ELOC: variants seen among roughly 807,000 people sequenced by gnomAD.
ELOC encodes the protein elongin-C.
For missense variants in ELOC, 38 were observed against 139.0 expected (o/e 0.27, Z 3.65); for synonymous variants, 40 against 51.3 (o/e 0.78, Z 0.94).
intron 2 of ELOC, among the ~76,000 whole-genome samples, chr8:73,959,228 C>T (rs998001698): frequency 1.3e-5 from 2 of 152,064 alleles, no homozygotes; most frequent in South Asian, 4.1e-4. Flanking sequence ...ACTTAGGCTA[C>T]AGTAAATTTA....
chr8:73,953,624 C>A (rs1813928297), intron 3 of ELOC, among the ~76,000 whole-genome samples: 1 of 151,476 alleles, frequency 6.6e-6, no homozygotes, highest in Non-Finnish European at 1.5e-5. Flanking sequence ...TGCACCATTG[C>A]ACTGCAGCCT....
intron 2 of ELOC, among the ~76,000 whole-genome samples, chr8:73,957,414 G>A (rs1814268030): frequency 6.6e-6 from 1 of 151,982 alleles, no homozygotes; most frequent in Non-Finnish European, 1.5e-5. Context: ...TTACAATTTT[G>A]TACTGTAACA....
intron 3 of ELOC, among the ~76,000 whole-genome samples, chr8:73,952,347 C>G (rs1272871705): frequency 6.6e-6 from 1 of 151,492 alleles, no homozygotes; most frequent in Non-Finnish European, 1.5e-5. Flanking sequence ...GTGGAGGGTG[C>G]AGTGAGCCGA....
chr8:73,951,497 A>T (rs1200010616), intron 3 of ELOC, among the ~76,000 whole-genome samples: 1 of 151,924 alleles, frequency 6.6e-6, no homozygotes, highest in Non-Finnish European at 1.5e-5. Context: ...TACAGAAAAT[A>T]CAATTTAAAA....
rs767740133 is a variant in ELOC, at chr8:73,946,827, A to C, written c.149-7T>G. 4 of 1,605,386 alleles carry C rather than the reference A, an allele frequency of 2.5e-6. No homozygotes were observed. Among genetic ancestry groups the C allele is most frequent in the Non-Finnish European group, 2.6e-6 (3 of 1,174,436 alleles). On this transcript the variant is annotated splice_polypyrimidine_tract_variant and splice_region_variant and intron_variant, in intron 3 of 3. Coordinates refer to ENST00000520242, the MANE Select transcript of ELOC (RefSeq NM_005648.4). ...TCGTTCTCAGCAAACTGACCTGTAA[A>C]ACAAAAGAATTATGTATGTTATTGG...
intron 3 of ELOC, among the ~76,000 whole-genome samples, chr8:73,947,636 T>C (rs981213890): frequency 2.0e-5 from 3 of 151,832 alleles, no homozygotes; most frequent in Non-Finnish European, 4.4e-5. Context: ...TGCAGTGGCA[T>C]GGTTGTGGCT....
intron 1 of ELOC, among the ~76,000 whole-genome samples, chr8:73,965,864 A>C (rs997692985): frequency 1.3e-5 from 2 of 152,348 alleles, no homozygotes; most frequent in African/African-American, 4.8e-5. Flanking sequence ...AGGAGGAATA[A>C]GAGTTGGTCG....
chr8:73,970,493 G>T (rs1353571722), intron 1 of ELOC: 2 of 152,048 alleles, frequency 1.3e-5, no homozygotes, highest in South Asian at 2.1e-4. Flanking sequence ...TCATATTTAA[G>T]AAAAAGAGGA....
chr8:73,964,269 A>G (rs982858791), intron 1 of ELOC, among the ~76,000 whole-genome samples: 3 of 150,652 alleles, frequency 2.0e-5, no homozygotes. Flanking sequence ...AAAAAAGATA[A>G]GCACAGATTT....
At chr8:73,962,151 C>T (rs1814650407) in intron 1 of ELOC, among the ~76,000 whole-genome samples, 1 of 152,226 alleles carries the variant, frequency 6.6e-6, no homozygotes, top group African/African-American at 2.4e-5. Flanking sequence ...CCAACTCAGC[C>T]TCCCAAAGTG....
chr8:73,957,782 GTTTAT>G (rs1359957874), intron 2 of ELOC, among the ~76,000 whole-genome samples: 1 of 150,794 alleles, frequency 6.6e-6, no homozygotes, highest in Non-Finnish European at 1.5e-5. Context: ...CCAACTATTT[GTTTAT>G]TTATTTTTAT....
intron 1 of ELOC, among the ~76,000 whole-genome samples, chr8:73,960,102 TGAA>T (rs1364676314): frequency 1.8e-4 from 27 of 152,320 alleles, no homozygotes; most frequent in Admixed American, 1.1e-3. Context: ...GTGGGGTTGT[TGAA>T]GAGGTTGTAA....
chr8:73,961,174 G>A (rs1586611387), intron 1 of ELOC, among the ~76,000 whole-genome samples: 1 of 152,168 alleles, frequency 6.6e-6, no homozygotes, highest in Non-Finnish European at 1.5e-5. Context: ...CTGTATTTTA[G>A]TAACATACTA....
chr8:73,949,066 CAT>C lies in ELOC; in HGVS notation c.149-2248_149-2247del, dbSNP rs372204436. On this transcript the variant is annotated intron_variant, in intron 3 of 3. Transcript: ENST00000520242. ...AAGGTTGTATCATTTAGCCTTTACA[CAT>C]AGAGATAAAATATTTTCTTAGCAGT... 6.2e-4 allele frequency among the ~76,000 whole-genome samples: 94 copies of C among 152,312 alleles called. 2 individuals carry two copies. The South Asian group carries it at 7.5e-3, about 12-fold the overall frequency.
In ELOC at chr8:73,945,683, G is replaced by A. The variant is rs183354157; in HGVS notation, c.*947C>T. 1.3e-5 allele frequency: 2 copies of A among 152,200 alleles called. No homozygotes were observed. Among genetic ancestry groups the A allele is most frequent in the Admixed American group, 1.3e-4 (2 of 15,278 alleles). 9.4% of individuals were successfully genotyped at this position (152,200 alleles called of 1,614,324 possible). A position where few individuals can be genotyped will look rare whatever the true frequency, so the allele number is the denominator to read the frequency against. On this transcript the variant is annotated 3_prime_UTR_variant, in exon 4 of 4. Coordinates refer to ENST00000520242, the MANE Select transcript of ELOC (RefSeq NM_005648.4). ...TTTTAATAGAAGATAATTCATGTAGGATATCTTCAATGCATTATAATATGA... is the reference window on the plus strand; with the variant it reads ...TTTTAATAGAAGATAATTCATGTAGAATATCTTCAATGCATTATAATATGA...
At chr8:73,950,286 T>C (rs1449980149) in intron 3 of ELOC, among the ~76,000 whole-genome samples, 1 of 152,168 alleles carries the variant, frequency 6.6e-6, no homozygotes, top group Non-Finnish European at 1.5e-5. Context: ...CCAGTAAGAA[T>C]GACTGCAACA....
intron 2 of ELOC, among the ~76,000 whole-genome samples, chr8:73,957,554 T>G (rs116900690): frequency 0.028 from 4,275 of 152,254 alleles, 185 homozygotes; most frequent in Admixed American, 0.12. Context: ...TGTTAAACAA[T>G]TAATTCAGAA....
At chr8:73,965,433 C>T (rs556898947) in intron 1 of ELOC, among the ~76,000 whole-genome samples, 2 of 152,264 alleles carry the variant, frequency 1.3e-5, no homozygotes, top group African/African-American at 4.8e-5. Flanking sequence ...TACATTCATA[C>T]AGAGCAGTAC....
intron 1 of ELOC, among the ~76,000 whole-genome samples, chr8:73,961,670 T>G (rs1371712131): frequency 6.6e-6 from 1 of 152,048 alleles, no homozygotes; most frequent in African/African-American, 2.4e-5. Context: ...TCTGTCACCG[T>G]GCCTGGCTAA....
Sources: allele counts gnomAD v4.1 joint callset (sites outside exome capture counted in the v4.1 genomes callset), GRCh38; gene constraint gnomAD v4.1.1; transcripts MANE v1.5; gene names NCBI Gene and HGNC (gene_info 2026-07-23, HGNC 2026-07-21).